ETV6: variants seen among roughly 807,000 people sequenced by gnomAD.
The protein encoded by ETV6 is ETS variant transcription factor 6.
Under a neutral mutation model 51.1 loss-of-function variants are expected in ETV6, and 16 were observed. The observed-to-expected ratio is 0.31, with a 90% CI of 0.21 to 0.48. ETV6 has a LOEUF of 0.48. Ranked by LOEUF, ETV6 falls within the 20% of genes least tolerant of loss-of-function variation. The pLI is 0.99. For missense variants in ETV6, 458 were observed against 594.8 expected (o/e 0.77, Z 2.39); for synonymous variants, 240 against 224.1 (o/e 1.07, Z -0.64).
At chr12:11,872,658 G>C (rs1011323301) in intron 5 of ETV6, among the ~76,000 whole-genome samples, 1 of 151,852 alleles carries the variant, frequency 6.6e-6, no homozygotes, top group East Asian at 1.9e-4. Context: ...CATGCCTGGC[G>C]AATTTTTTTG....
rs1565572850 is a variant in ETV6, at chr12:11,893,384, G to A, written c.*2338G>A. The A allele has an allele frequency of 1.3e-5, 3 of 232,220 alleles. No individual in the cohort carries two copies. Among genetic ancestry groups the A allele is most frequent in the Non-Finnish European group, 2.6e-5 (3 of 117,522 alleles). 14.4% of individuals were successfully genotyped at this position (232,220 alleles called of 1,614,324 possible). On this transcript the variant is annotated 3_prime_UTR_variant, in exon 8 of 8. Coordinates refer to ENST00000396373, the MANE Select transcript of ETV6 (RefSeq NM_001987.5). ...GAATCTTAACAGTTGAATTATGGAG[G>A]GAAATTCCCTTTTGCCCCAAGCATT...
At chr12:11,799,354 A>G (rs902347921) in intron 2 of ETV6, among the ~76,000 whole-genome samples, 3 of 152,118 alleles carry the variant, frequency 2.0e-5, no homozygotes, top group African/African-American at 4.8e-5. Context: ...CACATTATCC[A>G]TGTGCATTCC....
intron 2 of ETV6, among the ~76,000 whole-genome samples, chr12:11,777,042 T>C (rs1364551460): frequency 1.3e-5 from 2 of 152,096 alleles, no homozygotes; most frequent in Admixed American, 1.3e-4. Context: ...ACTGCGACCA[T>C]CCTGGCTAAC....
intron 1 of ETV6, among the ~76,000 whole-genome samples, chr12:11,722,099 G>A (rs1190770434): frequency 6.6e-6 from 1 of 152,192 alleles, no homozygotes; most frequent in African/African-American, 2.4e-5. Flanking sequence ...TGACTTGACT[G>A]TATCTGATAA....
Position 11,676,825 on chromosome 12 carries a change from G to A in ETV6, c.33+26665G>A, listed in dbSNP as rs540338382. 1.8e-3 allele frequency among the ~76,000 whole-genome samples: 273 copies of A among 152,268 alleles called. 2 individuals carry two copies. Among genetic ancestry groups the A allele is most frequent in the African/African-American group, 6.3e-3 (263 of 41,550 alleles). On this transcript the variant is annotated intron_variant, in intron 1 of 7. Coordinates refer to ENST00000396373, the MANE Select transcript of ETV6 (RefSeq NM_001987.5). The stretch of plus-strand genomic sequence containing the variant: ...AAATATCTGTTGATTGAAGGAGTGC[G>A]TGGAAAACAGAATTTGGTCTTTGAT...
chr12:11,650,176 C>G lies in ETV6; in HGVS notation c.33+16C>G. On this transcript the variant is annotated intron_variant, in intron 1 of 7. Coordinates refer to ENST00000396373, the MANE Select transcript of ETV6 (RefSeq NM_001987.5). Reference sequence around the variant, plus strand: ...TAGCATTAAGGTAAAAATCTTCTCCCCTCCTTCTACGTGGTGGAAACCCTG... The same window carrying G: ...TAGCATTAAGGTAAAAATCTTCTCCGCTCCTTCTACGTGGTGGAAACCCTG... 2.5e-6 allele frequency: 4 copies of G among 1,611,004 alleles called. No individual in the cohort carries two copies. Among genetic ancestry groups the G allele is most frequent in the Non-Finnish European group, 3.4e-6 (4 of 1,177,350 alleles).
Position 11,885,969 on chromosome 12 carries a change from G to A in ETV6, c.1196G>A (p.Arg399His), listed in dbSNP as rs2136602321. 1 of 1,614,030 alleles carries A rather than the reference G, an allele frequency of 6.2e-7. No homozygotes were observed. Among genetic ancestry groups the A allele is most frequent in the Non-Finnish European group, 8.5e-7 (1 of 1,179,952 alleles). The change falls in exon 7 of 8, where the codon CGC (arginine) becomes CAC (histidine). Residue 399 changes from arginine (R) to histidine (H), a missense_variant. Transcript: ENST00000396373. ...MTYEKMSRAL[R>H]HYYKLNIIRK... ...TATGAGAAAATGTCCAGAGCCCTGC[G>A]CCACTACTACAAACTAAACATTATC...
At chr12:11,761,608 C>T (rs955033888) in intron 2 of ETV6, among the ~76,000 whole-genome samples, 2 of 152,224 alleles carry the variant, frequency 1.3e-5, no homozygotes, top group African/African-American at 2.4e-5. Flanking sequence ...AATTGCCTGA[C>T]GTTTGGTGCC....
At chr12:11,682,948 C>T (rs1161255755) in intron 1 of ETV6, among the ~76,000 whole-genome samples, 1 of 152,152 alleles carries the variant, frequency 6.6e-6, no homozygotes, top group Non-Finnish European at 1.5e-5. Context: ...AGTTTTGGTA[C>T]CAGTACCATG....
chr12:11,813,353 A>G (rs1280796171), intron 2 of ETV6, among the ~76,000 whole-genome samples: 6 of 152,024 alleles, frequency 3.9e-5, no homozygotes, highest in African/African-American at 1.4e-4. Context: ...CCTGCAGCAC[A>G]GGCAGTGTGA....
chr12:11,818,521 G>C (rs1229323762), intron 2 of ETV6, among the ~76,000 whole-genome samples: 1 of 137,478 alleles, frequency 7.3e-6, no homozygotes, highest in African/African-American at 2.7e-5. Context: ...GAGCGAGAGA[G>C]ACTCTGTCTC....
intron 4 of ETV6, among the ~76,000 whole-genome samples, chr12:11,859,245 C>A (rs1000973290): frequency 1.4e-5 from 2 of 146,998 alleles, no homozygotes; most frequent in African/African-American, 2.5e-5. Context: ...GGGTTCACTC[C>A]ATTCTCCTGC....
At chr12:11,702,720 AG>A in intron 1 of ETV6, among the ~76,000 whole-genome samples, 1 of 152,354 alleles carries the variant, frequency 6.6e-6, no homozygotes, top group African/African-American at 2.4e-5. Context: ...AGGGCTTACC[AG>A]GAAGACATAG....
At chr12:11,784,956 C>T (rs73292409) in intron 2 of ETV6, among the ~76,000 whole-genome samples, 2,547 of 149,908 alleles carry the variant, frequency 0.017, 56 homozygotes, top group South Asian at 0.14. Flanking sequence ...ATCCTCCTAC[C>T]GCAGCCTCCC....
chr12:11,791,983 G>T (rs1227216771), intron 2 of ETV6, among the ~76,000 whole-genome samples: 1 of 152,146 alleles, frequency 6.6e-6, no homozygotes, highest in Non-Finnish European at 1.5e-5. Flanking sequence ...CGTTGGGAGG[G>T]TCGTACACAT....
At chr12:11,771,424 G>C (rs1322967821) in intron 2 of ETV6, among the ~76,000 whole-genome samples, 1 of 152,140 alleles carries the variant, frequency 6.6e-6, no homozygotes, top group African/African-American at 2.4e-5. Flanking sequence ...TAAATACTTT[G>C]GAGCTAAATC....
At chr12:11,876,018 C>T (rs866626854) in intron 5 of ETV6, among the ~76,000 whole-genome samples, 83 of 152,294 alleles carry the variant, frequency 5.4e-4, no homozygotes, top group African/African-American at 2.0e-3. Context: ...TGCTTGGAAT[C>T]ATAGGTGCAA....
chr12:11,766,967 T>C (rs1945170515), intron 2 of ETV6, among the ~76,000 whole-genome samples: 1 of 152,234 alleles, frequency 6.6e-6, no homozygotes, highest in South Asian at 2.1e-4. Flanking sequence ...TCAGCCTGCA[T>C]GTGGTGCTTT....
At chr12:11,865,448 A>G (rs1946778818) in intron 4 of ETV6, among the ~76,000 whole-genome samples, 1 of 151,756 alleles carries the variant, frequency 6.6e-6, no homozygotes, top group South Asian at 2.1e-4. Flanking sequence ...TATACATTGC[A>G]GATGGTTAAC....
Sources: gnomAD v4.1 joint callset for allele counts (sites outside exome capture counted in the v4.1 genomes callset) on GRCh38, gnomAD v4.1.1 for gene constraint, MANE v1.5 for transcripts, NCBI Gene and HGNC (gene_info 2026-07-23, HGNC 2026-07-21) for gene names.